Variants in GOLGA4 observed in about 807,000 individuals in gnomAD.
GOLGA4 encodes the protein golgin A4.
A neutral mutation model predicts 265.9 loss-of-function variants in GOLGA4; 169 were observed. The observed-to-expected ratio is 0.64, with a 90% CI of 0.56 to 0.72. The LOEUF is 0.72. Ranked by LOEUF, GOLGA4 falls within the 30% of genes least tolerant of loss-of-function variation. The pLI is 0.00. For missense variants in GOLGA4, 2,482 were observed against 2,483.4 expected, an observed-to-expected ratio of 1.00 and a Z score of 0.01; for synonymous variants, 923 against 855.8, an observed-to-expected ratio of 1.08 and a Z score of -1.37.
rs1372475895 is a variant in GOLGA4 at position 37,325,463 on chromosome 3, G to GA, written c.3583dup (p.Ser1195LysfsTer2). ...ATTCCAGAGTTTGAAATCTTCACAT[G>GA]AAAAAAGTAACAAAAGCCTAGAGGA... On this transcript the variant is annotated frameshift_variant, in exon 14 of 24. Coordinates refer to ENST00000361924, the MANE Select transcript of GOLGA4 (RefSeq NM_002078.5). LOFTEE classifies it high-confidence loss of function. 1 of 1,611,418 alleles carries GA rather than the reference G, an allele frequency of 6.2e-7. No individual in the cohort carries two copies. Among genetic ancestry groups the GA allele is most frequent in the Non-Finnish European group, 8.5e-7 (1 of 1,179,264 alleles).
intron 21 of GOLGA4, among the ~76,000 whole-genome samples, chr3:37,353,538 A>G (rs1318480995): frequency 6.6e-6 from 1 of 151,884 alleles, no homozygotes; most frequent in Non-Finnish European, 1.5e-5. Flanking sequence ...TGTCTTATGT[A>G]TGTTATTGTT....
chr3:37,306,491 T>C (rs1553613628), intron 10 of GOLGA4, among the ~76,000 whole-genome samples: 1 of 145,292 alleles, frequency 6.9e-6, no homozygotes, highest in Non-Finnish European at 1.5e-5. Flanking sequence ...CACTAGTTCT[T>C]GGCTGTTCTC....
intron 5 of GOLGA4, 99 bp downstream of exon 5, chr3:37,289,390 TTATACTA>T: frequency 1.4e-6 from 1 of 718,666 alleles, no homozygotes; most frequent in Non-Finnish European, 2.4e-6. Context: ...ATCTCATTAG[TTATACTA>T]ATAACTAACC....
At chr3:37,341,302 A>C (rs1337571554) in intron 20 of GOLGA4, among the ~76,000 whole-genome samples, 2 of 152,194 alleles carry the variant, frequency 1.3e-5, no homozygotes, top group Non-Finnish European at 2.9e-5. Flanking sequence ...CATTCTCTAA[A>C]GTTCAATTTC....
chr3:37,346,405 T>A (rs2097056469), intron 20 of GOLGA4, among the ~76,000 whole-genome samples: 1 of 152,228 alleles, frequency 6.6e-6, no homozygotes, highest in African/African-American at 2.4e-5. Context: ...TTGGGCTGTA[T>A]AGAAATGACA....
chr3:37,279,075 ATGTT>A (rs1271592124), intron 2 of GOLGA4, among the ~76,000 whole-genome samples: 4 of 152,184 alleles, frequency 2.6e-5, no homozygotes, highest in African/African-American at 9.7e-5. Context: ...GATGCTTACT[ATGTT>A]TGAGCATATT....
intron 22 of GOLGA4, among the ~76,000 whole-genome samples, chr3:37,356,135 A>G (rs191190434): frequency 2.0e-5 from 3 of 152,238 alleles, no homozygotes; most frequent in Admixed American, 6.5e-5. Context: ...CCTTCTCTAC[A>G]TGATCACCTA....
At position 37,282,240 on chromosome 3, in the gene GOLGA4, A is replaced by G; in HGVS notation, c.445A>G (p.Ser149Gly). ...TCAGCGGTTGCGAAGAATGGAACGA[A>G]GCTTAAGTAGCTACAGGGGAAAATA... ...LIQRLRRMERSLSSYRGKYSE... is the reference protein window; with the variant it reads ...LIQRLRRMERGLSSYRGKYSE... The change falls in exon 3 of 24, where the codon AGC (serine) becomes GGC (glycine). Residue 149 changes from serine (S) to glycine (G), a missense_variant. Ser to Gly is a moderately conservative substitution (Grantham distance 56). This residue lies in a region of GOLGA4 where 1,536 missense variants were observed against 1,483.7 expected (regional missense o/e 1.04). Transcript: ENST00000361924. 1 of 1,614,148 alleles carries G rather than the reference A, an allele frequency of 6.2e-7. No individual in the cohort carries two copies. Among genetic ancestry groups the G allele is most frequent in the East Asian group, 2.2e-5 (1 of 44,890 alleles).
chr3:37,334,136 G>A (rs1157608688), intron 16 of GOLGA4, among the ~76,000 whole-genome samples: 5 of 152,142 alleles, frequency 3.3e-5, no homozygotes, highest in African/African-American at 9.7e-5. Flanking sequence ...GGGTTGCCCT[G>A]TACAATAAAT....
intron 9 of GOLGA4, among the ~76,000 whole-genome samples, chr3:37,301,084 A>G (rs1331640054): frequency 6.6e-6 from 1 of 152,206 alleles, no homozygotes; most frequent in East Asian, 1.9e-4. Flanking sequence ...TGGAAGAGTC[A>G]TATTCTAAAG....
rs753512540 is a variant in GOLGA4 at position 37,315,470 on chromosome 3, G to A, written c.1285G>A (p.Ala429Thr). Residue 429 changes from alanine to threonine, a missense_variant, in exon 11 of 24, where the codon GCA becomes ACA. Transcript: ENST00000361924. Reference sequence around the variant, plus strand: ...GAGTACAGCCCAAAAAACAGAGGAAGCACGGAGAAAACTGAAGGCAGAAAT... The same window carrying A: ...GAGTACAGCCCAAAAAACAGAGGAAACACGGAGAAAACTGAAGGCAGAAAT... ...ALSTAQKTEEARRKLKAEMDE... is the reference protein window; with the variant it reads ...ALSTAQKTEETRRKLKAEMDE... 1.9e-6 allele frequency: 3 copies of A among 1,613,844 alleles called. No individual in the cohort carries two copies. The highest frequency in any genetic ancestry group is 2.7e-5 in the African/African-American group (2 of 74,924).
chr3:37,306,214 G>A (rs941587245), intron 10 of GOLGA4, among the ~76,000 whole-genome samples: 2 of 152,108 alleles, frequency 1.3e-5, no homozygotes, highest in African/African-American at 4.8e-5. Flanking sequence ...TGAGAGCATA[G>A]CATTCTTGTT....
intron 2 of GOLGA4, among the ~76,000 whole-genome samples, chr3:37,276,799 G>C (rs948803729): frequency 1.3e-5 from 2 of 152,028 alleles, no homozygotes; most frequent in African/African-American, 4.8e-5. Flanking sequence ...TAATTGTATG[G>C]TACCTGTTTC....
At position 37,340,021 on chromosome 3, in the gene GOLGA4, C is replaced by T. The variant is rs370157940; in HGVS notation, c.6397-103C>T. ...TGTCTTAATTTTATTTGCCTATATT[C>T]TGTCTTCAGCATTAAAAAACCTTGT... is the stretch of plus-strand genomic sequence containing the variant. On this transcript the variant is annotated intron_variant, in intron 19 of 23. Transcript: ENST00000361924. The T allele has an allele frequency of 6.0e-4, 317 of 530,734 alleles. 5 individuals are homozygous for T. The highest frequency in any genetic ancestry group is 5.6e-3 in the African/African-American group (277 of 49,874). 32.9% of individuals were successfully genotyped at this position (530,734 alleles called of 1,614,324 possible). A position where few individuals can be genotyped will look rare whatever the true frequency, so the allele number is the denominator to read the frequency against.
intron 2 of GOLGA4, among the ~76,000 whole-genome samples, chr3:37,274,930 A>G (rs376606006): frequency 3.3e-4 from 50 of 151,704 alleles, no homozygotes; most frequent in Middle Eastern, 3.4e-3. Context: ...ACAAATGTTT[A>G]GGGCCGGGTG....
chr3:37,331,693 A>T (rs2096990969), intron 16 of GOLGA4, among the ~76,000 whole-genome samples: 1 of 152,148 alleles, frequency 6.6e-6, no homozygotes, highest in African/African-American at 2.4e-5. Flanking sequence ...TAATTATGTG[A>T]TTTGTTAATA....
At chr3:37,316,859 A>AT (rs542927903) in intron 11 of GOLGA4, among the ~76,000 whole-genome samples, 60 of 146,568 alleles carry the variant, frequency 4.1e-4, no homozygotes, top group Admixed American at 1.6e-3. Flanking sequence ...TGGTATCTGA[A>AT]TTTTTTTTTT....
chr3:37,324,566 G>A lies in GOLGA4; in HGVS notation c.2680G>A (p.Asp894Asn). 4.3e-6 allele frequency: 7 copies of A among 1,613,906 alleles called. No individual in the cohort carries two copies. The highest frequency in any genetic ancestry group is 5.9e-6 in the Non-Finnish European group (7 of 1,179,972). ...CCAAGTCTATGAGTCCAAACTTGAA[G>A]ATGGTAACAAAGAACAGGAACAGAC... ...LTQVYESKLEDGNKEQEQTKQ... is the reference protein window; with the variant it reads ...LTQVYESKLENGNKEQEQTKQ... Residue 894 changes from aspartate to asparagine, a missense_variant, in exon 14 of 24, where the codon GAT (aspartate) becomes AAT (asparagine). By Grantham distance (23) the Asp-to-Asn change is conservative. This residue lies in a region of GOLGA4 where 1,536 missense variants were observed against 1,483.7 expected (regional missense o/e 1.04). Coordinates refer to ENST00000361924, the MANE Select transcript of GOLGA4 (RefSeq NM_002078.5).
chr3:37,328,544 A>T lies in GOLGA4; in HGVS notation c.6061+7A>T, dbSNP rs747687765. On this transcript the variant is annotated splice_region_variant and intron_variant, in intron 15 of 23. Transcript: ENST00000361924. The stretch of plus-strand genomic sequence containing the variant: ...ACCATAAAAGAAACTATCAGTAAGT[A>T]AAATTAAGTTCCATAAGGAACAATT... 6.2e-7 allele frequency: 1 copy of T among 1,607,108 alleles called. No individual in the cohort carries two copies. The highest frequency in any genetic ancestry group is 8.5e-7 in the Non-Finnish European group (1 of 1,176,858).
Sources: allele counts gnomAD v4.1 joint callset (sites outside exome capture counted in the v4.1 genomes callset), GRCh38; gene constraint gnomAD v4.1.1; regional missense constraint gnomAD v4.1.1; transcripts MANE v1.5; gene names NCBI Gene and HGNC (gene_info 2026-07-23, HGNC 2026-07-21).